The following LRTM3 variants were observed in gnomAD, a reference collection of about 807,000 sequenced individuals.
LRTM3 encodes the protein leucine rich repeat transmembrane protein 3.
chr13:102,744,151 C>T, the LRTM3 span: 2 of 1,550,598 alleles, frequency 1.3e-6, no homozygotes, highest in Non-Finnish European at 8.7e-7. Context: ...GTTGCTTTTT[C>T]TTTCTGTGGT....
chr13:102,730,328 C>G, the LRTM3 span: 4 of 1,551,158 alleles, frequency 2.6e-6, no homozygotes, highest in Non-Finnish European at 3.5e-6. Flanking sequence ...CTCACTCTCA[C>G]TTACTTCAAG....
chr13:102,740,620 A>G, the LRTM3 span: 2 of 1,548,744 alleles, frequency 1.3e-6, no homozygotes, highest in Admixed American at 3.9e-5. Flanking sequence ...TTGTCTGTGA[A>G]GTTAAATAGT....
At chr13:102,749,866 T>C in the LRTM3 span, 2 of 1,551,446 alleles carry the variant, frequency 1.3e-6, no homozygotes, top group Middle Eastern at 1.7e-4. Context: ...TCAAGGACTC[T>C]TGAGATCTTG....
the LRTM3 span, chr13:102,737,253 A>G: frequency 6.4e-7 from 1 of 1,551,008 alleles, no homozygotes. Flanking sequence ...ACCCCAAAAG[A>G]CTTTGTATGT....
the LRTM3 span, chr13:102,746,825 A>G: frequency 1.3e-6 from 2 of 1,551,166 alleles, no homozygotes; most frequent in African/African-American, 2.7e-5. Flanking sequence ...AGGGTCTCCA[A>G]TCAGTGATTT....
the LRTM3 span, chr13:102,748,823 G>C: frequency 1.3e-6 from 2 of 1,550,496 alleles, no homozygotes; most frequent in Non-Finnish European, 1.7e-6. Flanking sequence ...TTCTAGCTGA[G>C]GTAACATTTT....
At chr13:102,755,953 ATATATATATT>A in the LRTM3 span, among the ~76,000 whole-genome samples, 5,478 of 31,858 alleles carry the variant, frequency 0.17, 114 homozygotes, top group South Asian at 0.27. Context: ...ATATATATAT[ATATATATATT>A]TTTTTTTTTT....
chr13:102,740,159 G>A, the LRTM3 span: 1 of 1,547,656 alleles, frequency 6.5e-7, no homozygotes, highest in Non-Finnish European at 8.7e-7. Context: ...TCTTAACTTG[G>A]GTGAGCTATT....
At chr13:102,741,534 C>T in the LRTM3 span, 3 of 1,549,938 alleles carry the variant, frequency 1.9e-6, no homozygotes, top group Non-Finnish European at 2.6e-6. Flanking sequence ...TACACATCTT[C>T]TTCCTCAGTT....
the LRTM3 span, chr13:102,748,215 T>G: frequency 1.3e-6 from 2 of 1,551,220 alleles, no homozygotes; most frequent in Non-Finnish European, 1.7e-6. Flanking sequence ...ATATTTGTTA[T>G]GTTACTTCCA....
At chr13:102,750,882 T>C in the LRTM3 span, among the ~76,000 whole-genome samples, 1 of 152,134 alleles carries the variant, frequency 6.6e-6, no homozygotes, top group Non-Finnish European at 1.5e-5. Flanking sequence ...CTCAGTACAA[T>C]TTTGGGCCGG....
At chr13:102,732,019 T>C in the LRTM3 span, 1 of 1,551,408 alleles carries the variant, frequency 6.4e-7, no homozygotes, top group Non-Finnish European at 8.7e-7. Flanking sequence ...TGAGGTTTGC[T>C]TCTGATTTGA....
At chr13:102,742,077 T>C in the LRTM3 span, 1 of 1,550,554 alleles carries the variant, frequency 6.4e-7, no homozygotes, top group Non-Finnish European at 8.7e-7. Flanking sequence ...TCTTTTGGCT[T>C]GTCTTTCTCC....
chr13:102,733,415 G>A, the LRTM3 span: 1 of 1,551,326 alleles, frequency 6.4e-7, no homozygotes, highest in Non-Finnish European at 8.7e-7. Flanking sequence ...TTGCTGGTGA[G>A]CGTATCTCTC....
chr13:102,750,304 G>A, the LRTM3 span: 17 of 1,545,744 alleles, frequency 1.1e-5, no homozygotes, highest in African/African-American at 1.5e-4. Context: ...TTTCACGTGA[G>A]AATAAAATTC....
the LRTM3 span, among the ~76,000 whole-genome samples, chr13:102,754,289 C>G: frequency 7.0e-6 from 1 of 143,156 alleles, no homozygotes; most frequent in Non-Finnish European, 1.5e-5. Context: ...GTTTGCTTTG[C>G]TCACTGAGAC....
chr13:102,739,262 G>A, the LRTM3 span: 1 of 1,550,076 alleles, frequency 6.5e-7, no homozygotes, highest in South Asian at 1.2e-5. Context: ...TCCTTTCAAA[G>A]TGATACATTT....
At chr13:102,746,010 A>C in the LRTM3 span, 4 of 1,551,154 alleles carry the variant, frequency 2.6e-6, no homozygotes, top group Non-Finnish European at 3.5e-6. Context: ...AGAGCCTGTA[A>C]AGCTTTGGGA....
the LRTM3 span, chr13:102,745,239 G>T: frequency 4.5e-6 from 7 of 1,550,838 alleles, no homozygotes; most frequent in Non-Finnish European, 6.1e-6. Context: ...AATGCCTCCT[G>T]TTTCCTTTCT....
Sources: gnomAD v4.1 joint callset for allele counts (sites outside exome capture counted in the v4.1 genomes callset) on GRCh38, gnomAD v4.1.1 for gene constraint, MANE v1.5 for transcripts, NCBI Gene and HGNC (gene_info 2026-07-23, HGNC 2026-07-21) for gene names.